C21orf91: variants seen among roughly 807,000 people sequenced by gnomAD.
The protein encoded by C21orf91 is chromosome 21 open reading frame 91, also known as protein EURL homolog.
C21orf91 carries 26 observed loss-of-function variants against 32.9 expected under a neutral mutation model. The ratio of observed to expected loss-of-function variants is 0.79; its 90% CI spans 0.58 to 1.10. C21orf91 has a LOEUF of 1.10. C21orf91 is among the 50% of genes least tolerant of loss of function. The pLI, the probability that C21orf91 is intolerant of heterozygous loss-of-function variation, is 0.00. For synonymous variants in C21orf91, 126 were observed against 120.4 expected (o/e 1.05, Z -0.31); for missense variants, 310 against 341.3 (o/e 0.91, Z 0.72).
chr21:17,815,623 T>C (rs542672277), intron 2 of C21orf91, among the ~76,000 whole-genome samples: 93 of 152,294 alleles, frequency 6.1e-4, no homozygotes, highest in African/African-American at 2.1e-3. Flanking sequence ...TAAAATTTTG[T>C]GCAATTCAAG....
chr21:17,806,758 T>C (rs2062597081), intron 2 of C21orf91, among the ~76,000 whole-genome samples: 1 of 152,106 alleles, frequency 6.6e-6, no homozygotes, highest in Non-Finnish European at 1.5e-5. Flanking sequence ...AAGAATCACT[T>C]GAACCTGGGA....
At chr21:17,815,505 A>G (rs941010896) in intron 2 of C21orf91, among the ~76,000 whole-genome samples, 5 of 152,214 alleles carry the variant, frequency 3.3e-5, no homozygotes, top group African/African-American at 1.2e-4. Flanking sequence ...AAATATTTTA[A>G]AAGATTTACC....
intron 2 of C21orf91, among the ~76,000 whole-genome samples, chr21:17,812,605 C>T (rs1378764079): frequency 1.3e-5 from 2 of 152,088 alleles, no homozygotes; most frequent in African/African-American, 4.8e-5. Context: ...CTCAGGAGAT[C>T]GAGACCATCC....
chr21:17,811,836 G>A (rs1600888390), intron 2 of C21orf91, among the ~76,000 whole-genome samples: 1 of 151,806 alleles, frequency 6.6e-6, no homozygotes, highest in Non-Finnish European at 1.5e-5. Flanking sequence ...GATATTCTGG[G>A]TTATATACTC....
chr21:17,816,823 G>A (rs1349822936), intron 2 of C21orf91, among the ~76,000 whole-genome samples: 2 of 152,062 alleles, frequency 1.3e-5, no homozygotes, highest in African/African-American at 4.8e-5. Context: ...TACAGGGTTT[G>A]GACTAGATAA....
At chr21:17,811,163 G>T (rs974587421) in intron 2 of C21orf91, among the ~76,000 whole-genome samples, 1 of 152,100 alleles carries the variant, frequency 6.6e-6, no homozygotes, top group African/African-American at 2.4e-5. Flanking sequence ...TGGAATCAGA[G>T]ACCCTTGGTC....
chr21:17,817,334 A>C (rs900745424), intron 2 of C21orf91, among the ~76,000 whole-genome samples: 1 of 152,214 alleles, frequency 6.6e-6, no homozygotes, highest in Non-Finnish European at 1.5e-5. Flanking sequence ...CATACTTAGT[A>C]AACAGAAAAT....
Position 17,789,253 on chromosome 21 carries a change from T to TAACACACACACACACACACACACACACA in C21orf91, c.*4161_*4162insTGTGTGTGTGTGTGTGTGTGTGTGTGTT, listed in dbSNP as rs201696665. ...ATACGCTACTGTTTTAAAGCAAGGTTCACACACACACACACACACACACAC... is the reference window on the plus strand; with the variant it reads ...ATACGCTACTGTTTTAAAGCAAGGTTAACACACACACACACACACACACACACACACACACACACACACACACACACAC... On this transcript the variant is annotated 3_prime_UTR_variant, in exon 5 of 5. Transcript: ENST00000284881. 6 of 149,736 alleles carry TAACACACACACACACACACACACACACA rather than the reference T, an allele frequency of 4.0e-5. No homozygotes were observed. The highest frequency in any genetic ancestry group is 1.5e-4 in the African/African-American group (6 of 40,430). The allele number at this position is 149,736 out of a possible 1,614,324, so 9.3% of individuals were successfully genotyped here.
In C21orf91 at chr21:17,796,901, G is replaced by A. The variant is rs2824495; in HGVS notation, c.345C>T (p.Asn115=). 5.6e-6 allele frequency: 9 copies of A among 1,613,408 alleles called. No homozygotes were observed. The highest frequency in any genetic ancestry group is 2.7e-5 in the African/African-American group (2 of 74,828). ...TGAAATTAAACAGATGATGCTGGGG[G>A]TTTTTAGAACATTCAGAATCTGAAT... ...DLDSDSECSK[N]PQHHLFNFRH... The change falls in exon 3 of 5, where the codon AAC becomes AAT. Residue 115 remains asparagine (N), a synonymous_variant. Coordinates refer to ENST00000284881, the MANE Select transcript of C21orf91 (RefSeq NM_001100420.2).
chr21:17,795,072 TGC>T, intron 4 of C21orf91, 134 bp downstream of exon 4: 1 of 683,882 alleles, frequency 1.5e-6, no homozygotes, highest in Admixed American at 2.4e-5. Context: ...TTATTCTTTT[TGC>T]TCTGGAAACT....
intron 2 of C21orf91, among the ~76,000 whole-genome samples, chr21:17,803,559 C>T (rs919232807): frequency 1.3e-5 from 2 of 152,048 alleles, no homozygotes; most frequent in Non-Finnish European, 2.9e-5. Context: ...TCACATTTGG[C>T]ACAGCCTAAG....
chr21:17,795,148 T>C (rs943889964), intron 4 of C21orf91, 60 bp downstream of exon 4: 7 of 1,026,168 alleles, frequency 6.8e-6, no homozygotes, highest in South Asian at 1.3e-5. Flanking sequence ...TGTCCTATCA[T>C]AGATGATTTT....
At chr21:17,806,916 G>T (rs1055889204) in intron 2 of C21orf91, among the ~76,000 whole-genome samples, 8 of 152,022 alleles carry the variant, frequency 5.3e-5, no homozygotes, top group African/African-American at 1.4e-4. Flanking sequence ...GAGGCTGTAA[G>T]AAGTGTGAAA....
chr21:17,798,346 T>TATTTTTA (rs2062535547), intron 2 of C21orf91, among the ~76,000 whole-genome samples: 1 of 152,206 alleles, frequency 6.6e-6, no homozygotes, highest in African/African-American at 2.4e-5. Flanking sequence ...TTTTTAAAAA[T>TATTTTTA]ATATATAGTA....
At chr21:17,812,789 A>T (rs574051219) in intron 2 of C21orf91, among the ~76,000 whole-genome samples, 2 of 152,030 alleles carry the variant, frequency 1.3e-5, no homozygotes, top group African/African-American at 4.8e-5. Flanking sequence ...AGCCTGGGTG[A>T]CAGAGCGAGA....
At chr21:17,800,358 T>A (rs1450574943) in intron 2 of C21orf91, among the ~76,000 whole-genome samples, 2 of 152,196 alleles carry the variant, frequency 1.3e-5, no homozygotes, top group Non-Finnish European at 2.9e-5. Context: ...GACTACTTCA[T>A]ATACTTGAAA....
In C21orf91 at chr21:17,818,221, C is replaced by T. The variant is rs771551639; in HGVS notation, c.98G>A (p.Cys33Tyr). The change falls in exon 2 of 5, where the codon TGC (cysteine) becomes TAC (tyrosine). Residue 33 changes from cysteine (C) to tyrosine (Y), a missense_variant. Coordinates refer to ENST00000284881, the MANE Select transcript of C21orf91 (RefSeq NM_001100420.2). Reference protein sequence around the residue: ...LGTDKETLSFCHICFELNIEG... With the variant: ...LGTDKETLSFYHICFELNIEG... ...AATATTTAGCTCAAAACAAATGTGG[C>T]AGAAGGAGAGTGTTTCTTTGTCTGT... 1 of 1,610,282 alleles carries T rather than the reference C, an allele frequency of 6.2e-7. No individual in the cohort carries two copies. Among genetic ancestry groups the T allele is most frequent in the South Asian group, 1.1e-5 (1 of 90,986 alleles).
At chr21:17,797,548 A>C (rs1343313809) in intron 2 of C21orf91, among the ~76,000 whole-genome samples, 1 of 151,630 alleles carries the variant, frequency 6.6e-6, no homozygotes, top group Non-Finnish European at 1.5e-5. Flanking sequence ...CCTCCCTAAA[A>C]CACAGTAAAT....
intron 2 of C21orf91, among the ~76,000 whole-genome samples, chr21:17,808,411 T>C (rs1305484794): frequency 6.6e-6 from 1 of 152,212 alleles, no homozygotes; most frequent in Non-Finnish European, 1.5e-5. Flanking sequence ...GGAGCCCTCA[T>C]GGAGACCATC....
Sources: gnomAD v4.1 joint callset for allele counts (sites outside exome capture counted in the v4.1 genomes callset) on GRCh38, gnomAD v4.1.1 for gene constraint, MANE v1.5 for transcripts, NCBI Gene and HGNC (gene_info 2026-07-23, HGNC 2026-07-21) for gene names.